GABRB3: variants seen among roughly 807,000 people sequenced by gnomAD.
The protein encoded by GABRB3 is gamma-aminobutyric acid type A receptor subunit beta3, also known as gamma-aminobutyric acid receptor subunit beta-3.
GABRB3 carries 14 observed loss-of-function variants against 52.1 expected under a neutral mutation model. The ratio of observed to expected loss-of-function variants is 0.27; its 90% confidence interval spans 0.18 to 0.42. GABRB3 has a LOEUF of 0.42. Ranked by LOEUF, GABRB3 falls within the 10% of genes least tolerant of loss-of-function variation. The probability of loss-of-function intolerance (pLI) is 1.00; values close to 1 mark genes in which losing one functional copy is unlikely to be tolerated. For missense variants in GABRB3, 307 were observed against 609.1 expected (o/e 0.50, Z 5.22); for synonymous variants, 260 against 232.3 (o/e 1.12, Z -1.08).
At chr15:26,690,888 T>C (rs150752980) in intron 3 of GABRB3, among the ~76,000 whole-genome samples, 1 of 151,098 alleles carries the variant, frequency 6.6e-6, no homozygotes, top group Non-Finnish European at 1.5e-5. Flanking sequence ...AAACCTGTCA[T>C]CATTAAATGC....
intron 3 of GABRB3, among the ~76,000 whole-genome samples, chr15:26,760,550 G>C (rs1422614009): frequency 6.6e-6 from 1 of 152,122 alleles, no homozygotes; most frequent in Non-Finnish European, 1.5e-5. Context: ...TATGATAATA[G>C]AGTAAAATCT....
intron 3 of GABRB3, chr15:26,716,874 ACCACAGCCCAGCTC>A (rs1889489803): frequency 2.9e-6 from 2 of 682,940 alleles, no homozygotes; most frequent in Admixed American, 4.4e-5. Flanking sequence ...CCTCCACCCA[ACCACAGCCCAGCTC>A]TGAGGACCTC....
At chr15:26,615,663 A>T (rs1183427228) in intron 4 of GABRB3, 1 of 784,032 alleles carries the variant, frequency 1.3e-6, no homozygotes, top group East Asian at 7.6e-5. Context: ...GCTCATCTAC[A>T]GCCAAAGGTC....
At chr15:26,560,719 AGCTAGATG>A in intron 8 of GABRB3, among the ~76,000 whole-genome samples, 1 of 152,308 alleles carries the variant, frequency 6.6e-6, no homozygotes. Context: ...GGCCAGTCCT[AGCTAGATG>A]GCCAGGACTC....
At chr15:26,606,772 A>ATCTATAGATATATC (rs1566770499) in intron 4 of GABRB3, among the ~76,000 whole-genome samples, 1 of 81,684 alleles carries the variant, frequency 1.2e-5, no homozygotes, top group African/African-American at 3.4e-5. Context: ...GTCTATCTAT[A>ATCTATAGATATATC]GATAGATAGA....
At chr15:26,657,179 T>C (rs1223195977) in intron 3 of GABRB3, 1 of 152,230 alleles carries the variant, frequency 6.6e-6, no homozygotes, top group African/African-American at 2.4e-5. Flanking sequence ...TGGACTTCAT[T>C]TGGGGTTGGC....
At chr15:26,683,211 T>G (rs1888293126) in intron 3 of GABRB3, among the ~76,000 whole-genome samples, 1 of 152,186 alleles carries the variant, frequency 6.6e-6, no homozygotes, top group South Asian at 2.1e-4. Context: ...AATAGAAACA[T>G]TTATAATAAA....
chr15:26,567,769 A>G, intron 6 of GABRB3, 36 bp from the exon 7 acceptor site: 3 of 1,605,834 alleles, frequency 1.9e-6, no homozygotes, highest in Non-Finnish European at 2.6e-6. Flanking sequence ...CACTGGAGAA[A>G]CAACATGGCA....
At chr15:26,699,922 G>A (rs1235284824) in intron 3 of GABRB3, among the ~76,000 whole-genome samples, 1 of 150,980 alleles carries the variant, frequency 6.6e-6, no homozygotes, top group African/African-American at 2.4e-5. Context: ...AATATCCTTA[G>A]CTTCCACTTT....
At chr15:26,598,392 T>C (rs1032301729) in intron 4 of GABRB3, among the ~76,000 whole-genome samples, 1 of 152,108 alleles carries the variant, frequency 6.6e-6, no homozygotes. Flanking sequence ...AGTGGTGGAA[T>C]AGGATGCCAG....
At chr15:26,670,068 A>G (rs1887839719) in intron 3 of GABRB3, among the ~76,000 whole-genome samples, 1 of 152,212 alleles carries the variant, frequency 6.6e-6, no homozygotes, top group Admixed American at 6.5e-5. Context: ...AGCCACGTGA[A>G]GGGAGCTGCT....
chr15:26,659,587 A>G (rs1887477849), intron 3 of GABRB3, among the ~76,000 whole-genome samples: 1 of 152,224 alleles, frequency 6.6e-6, no homozygotes, highest in Non-Finnish European at 1.5e-5. Flanking sequence ...GGCAAATGGA[A>G]AGCTGAAAAT....
chr15:26,659,851 G>T (rs1304697335), intron 3 of GABRB3, among the ~76,000 whole-genome samples: 1 of 152,102 alleles, frequency 6.6e-6, no homozygotes, highest in Non-Finnish European at 1.5e-5. Context: ...AAAGCATCTT[G>T]TTGCCAGTAT....
chr15:26,580,565 G>T, intron 5 of GABRB3, 109 bp from the exon 6 acceptor site: 1 of 1,405,466 alleles, frequency 7.1e-7, no homozygotes, highest in Non-Finnish European at 1.0e-6. Flanking sequence ...GTTTTGAGTA[G>T]ATTTGCTTAA....
At chr15:26,727,498 A>G (rs1889805344) in intron 3 of GABRB3, among the ~76,000 whole-genome samples, 1 of 152,170 alleles carries the variant, frequency 6.6e-6, no homozygotes, top group Admixed American at 6.6e-5. Flanking sequence ...TAGACTCCCA[A>G]CATTTGTAAG....
chr15:26,739,549 G>A (rs752911868), intron 3 of GABRB3, among the ~76,000 whole-genome samples: 1 of 152,032 alleles, frequency 6.6e-6, no homozygotes, highest in Admixed American at 6.6e-5. Context: ...TATTCACAAT[G>A]CAAGGAGGGG....
chr15:26,705,959 T>G (rs1039832145), intron 3 of GABRB3, among the ~76,000 whole-genome samples: 5 of 152,202 alleles, frequency 3.3e-5, no homozygotes, highest in African/African-American at 1.2e-4. Flanking sequence ...GTTCACCATC[T>G]GGGTTCCAGG....
chr15:26,667,582 A>C (rs925547045), intron 3 of GABRB3, among the ~76,000 whole-genome samples: 2 of 152,176 alleles, frequency 1.3e-5, no homozygotes, highest in Middle Eastern at 3.2e-3. Flanking sequence ...TAAATTCATA[A>C]TATGTTCTCT....
intron 3 of GABRB3, among the ~76,000 whole-genome samples, chr15:26,740,866 C>T (rs1284588137): frequency 6.6e-6 from 1 of 152,040 alleles, no homozygotes; most frequent in Non-Finnish European, 1.5e-5. Flanking sequence ...CACAATGTGC[C>T]ATAAGACACC....
Sources: gnomAD v4.1 joint callset for allele counts (sites outside exome capture counted in the v4.1 genomes callset) on GRCh38, gnomAD v4.1.1 for gene constraint, MANE v1.5 for transcripts, NCBI Gene and HGNC (gene_info 2026-07-23, HGNC 2026-07-21) for gene names.